The following IST1 variants were observed in gnomAD, a reference collection of about 807,000 sequenced individuals.
The protein encoded by IST1 is IST1 homolog.
Under a neutral mutation model 37.0 loss-of-function variants are expected in IST1, and 23 were observed. The observed-to-expected ratio is 0.62, with a 90% CI of 0.45 to 0.88. IST1 has a LOEUF of 0.88. Among genes scored for constraint, IST1 ranks in the 40% least tolerant of loss-of-function variants. The probability of loss-of-function intolerance (pLI) is 0.00; values close to 1 mark genes in which losing one functional copy is unlikely to be tolerated. For synonymous variants in IST1, 180 were observed against 161.7 expected, an observed-to-expected ratio of 1.11 and a Z score of -0.86; for missense variants, 488 against 445.4, an observed-to-expected ratio of 1.10 and a Z score of -0.86.
intron 1 of IST1, among the ~76,000 whole-genome samples, chr16:71,911,556 C>G (rs1331881249): frequency 2.0e-5 from 3 of 151,918 alleles, no homozygotes; most frequent in Non-Finnish European, 2.9e-5. Flanking sequence ...CACCAAAAAA[C>G]AAAACAAAAC....
chr16:71,909,202 G>C (rs544884209), intron 1 of IST1, among the ~76,000 whole-genome samples: 1 of 148,442 alleles, frequency 6.7e-6, no homozygotes, highest in African/African-American at 2.5e-5. Context: ...TGACCTCCTG[G>C]GTGCAAGTGA....
In IST1 at chr16:71,915,741, C is replaced by G; in HGVS notation, c.88+13C>G. On this transcript the variant is annotated intron_variant, in intron 2 of 9. Coordinates refer to ENST00000378799, the MANE Select transcript of IST1 (RefSeq NM_001270975.2). Reference sequence around the variant, plus strand: ...GAGAAAAAGAAAAGTGAGTAGTGTACTTTTTTTCCCCAAAAATAAATCACT... The same window carrying G: ...GAGAAAAAGAAAAGTGAGTAGTGTAGTTTTTTTCCCCAAAAATAAATCACT... 6.5e-7 allele frequency: 1 copy of G among 1,539,622 alleles called. No individual in the cohort carries two copies. The highest frequency in any genetic ancestry group is 9.0e-7 in the Non-Finnish European group (1 of 1,115,332).
chr16:71,895,229 C>G (rs2142508020), upstream of IST1: 1 of 171,804 alleles, frequency 5.8e-6, no homozygotes, highest in African/African-American at 2.4e-5. Context: ...GCCGTGGGCG[C>G]AGAGTCCGAG....
chr16:71,918,941 G>T (rs1269141254), intron 4 of IST1, among the ~76,000 whole-genome samples: 1 of 152,146 alleles, frequency 6.6e-6, no homozygotes, highest in East Asian at 1.9e-4. Context: ...CTCTCCTACT[G>T]GGCTTCTGGA....
At chr16:71,924,068 T>C (rs901558628) in intron 8 of IST1, 21 of 451,924 alleles carry the variant, frequency 4.6e-5, no homozygotes, top group African/African-American at 4.2e-4. Context: ...CTTTCTGTTC[T>C]TTCCTTTGGT....
intron 2 of IST1, 55 bp downstream of exon 2, chr16:71,915,783 G>C: frequency 9.2e-7 from 1 of 1,081,786 alleles, no homozygotes; most frequent in Admixed American, 1.9e-5. Context: ...TAGCACCCCA[G>C]TAATGGGTCT....
At chr16:71,922,881 G>C (rs1264509978) in intron 7 of IST1, 1 of 605,914 alleles carries the variant, frequency 1.7e-6, no homozygotes, top group African/African-American at 1.9e-5. Flanking sequence ...AAAATCTATA[G>C]AGTTGGTGCT....
At chr16:71,896,700 C>T (rs915857618) in intron 1 of IST1, among the ~76,000 whole-genome samples, 1 of 152,094 alleles carries the variant, frequency 6.6e-6, no homozygotes, top group Non-Finnish European at 1.5e-5. Flanking sequence ...ATAAAACTGG[C>T]CAGATGTGGT....
chr16:71,923,215 C>T (rs1236121041), intron 7 of IST1, 73 bp from the exon 8 acceptor site: 4 of 765,422 alleles, frequency 5.2e-6, no homozygotes, highest in African/African-American at 1.8e-5. Context: ...TTTCTTTCTC[C>T]CTTCCCATAC....
intron 8 of IST1, 145 bp from the exon 9 acceptor site, chr16:71,924,624 G>C (rs2037693190): frequency 1.5e-6 from 1 of 679,284 alleles, no homozygotes; most frequent in African/African-American, 1.8e-5. Flanking sequence ...CTACCTGATT[G>C]GAAAAAATGC....
intron 1 of IST1, among the ~76,000 whole-genome samples, chr16:71,909,095 C>CTTTTTTTTT (rs34086105): frequency 3.9e-5 from 4 of 102,938 alleles, no homozygotes; most frequent in Admixed American, 1.3e-4. Context: ...TTTTGTTTGT[C>CTTTTTTTTT]TTTTTTTTTT....
At chr16:71,922,901 C>G in intron 7 of IST1, 1 of 590,898 alleles carries the variant, frequency 1.7e-6, no homozygotes, top group South Asian at 2.0e-5. Flanking sequence ...TAGAAAAACA[C>G]TTTTCATATA....
Position 71,921,103 on chromosome 16 carries a change from C to T in IST1, c.442-240C>T, listed in dbSNP as rs1223418048. The T allele has an allele frequency of 5.0e-6, 3 of 597,054 alleles. No homozygotes were observed. In the Admixed American group the frequency reaches 8.6e-5, roughly 17 times the overall value. The allele number at this position is 597,054 out of a possible 1,614,324, so 37.0% of individuals were successfully genotyped here. ...TGGGGAGAAGGGTGGATGAATTGAACTGTGGAAGGCAGCAGTATCATCTTT... is the reference window on the plus strand; with the variant it reads ...TGGGGAGAAGGGTGGATGAATTGAATTGTGGAAGGCAGCAGTATCATCTTT... On this transcript the variant is annotated intron_variant, in intron 5 of 9. Coordinates refer to ENST00000378799, the MANE Select transcript of IST1 (RefSeq NM_001270975.2).
At position 71,929,221 on chromosome 16, in the gene IST1, T is replaced by G. The variant is rs1045293078; in HGVS notation, c.*1408T>G. On this transcript the variant is annotated 3_prime_UTR_variant, in exon 10 of 10. Coordinates refer to ENST00000378799, the MANE Select transcript of IST1 (RefSeq NM_001270975.2). ...GGCAGGGCTCCGCATCTGCCATGCC[T>G]CATCCTTGGATGTTTATTTTTAGTA... 1.4e-5 allele frequency: 3 copies of G among 218,460 alleles called. No homozygotes were observed. The highest frequency in any genetic ancestry group is 6.9e-5 in the African/African-American group (3 of 43,386). 13.5% of individuals were successfully genotyped at this position (218,460 alleles called of 1,614,324 possible). A position where few individuals can be genotyped will look rare whatever the true frequency, so the allele number is the denominator to read the frequency against.
chr16:71,916,503 C>G lies in IST1; in HGVS notation c.130C>G (p.Leu44Val). The change falls in exon 3 of 10, where the codon CTG becomes GTG. Residue 44 changes from leucine to valine, a missense_variant. By Grantham distance (32) the Leu-to-Val change is conservative. This residue lies in a region of IST1 where 33 missense variants were observed against 59.3 expected (regional missense o/e 0.56). Transcript: ENST00000378799. The part of the protein sequence containing the change: ...QKARKEIADY[L>V]AAGKDERARI... ...AGCAAGGAAGGAGATTGCTGACTATCTGGCTGCTGGGAAAGATGAACGAGC... is the reference window on the plus strand; with the variant it reads ...AGCAAGGAAGGAGATTGCTGACTATGTGGCTGCTGGGAAAGATGAACGAGC... The G allele has an allele frequency of 6.2e-7, 1 of 1,613,252 alleles. No individual in the cohort carries two copies. Among genetic ancestry groups the G allele is most frequent in the South Asian group, 1.1e-5 (1 of 91,026 alleles).
rs371653031 is a variant in IST1, at chr16:71,898,471, G to A, written c.-16+2882G>A. Among the ~76,000 whole-genome samples the A allele has an allele frequency of 1.6e-4, 24 of 151,536 alleles. 1 individual carries two copies. Among genetic ancestry groups the A allele is most frequent in the Admixed American group, 9.9e-4 (15 of 15,206 alleles). On this transcript the variant is annotated intron_variant, in intron 1 of 9. Transcript: ENST00000378799. Reference sequence around the variant, plus strand: ...GGCTGAGGTGAACGGATCATGTGAGGTTAGGAGTTCAAGACCAGCCTGGCC... The same window carrying A: ...GGCTGAGGTGAACGGATCATGTGAGATTAGGAGTTCAAGACCAGCCTGGCC...
intron 1 of IST1, among the ~76,000 whole-genome samples, chr16:71,896,433 T>G (rs1284864402): frequency 6.6e-6 from 1 of 152,162 alleles, no homozygotes; most frequent in African/African-American, 2.4e-5. Context: ...ATGGAAAATT[T>G]CAAGCAGACA....
At chr16:71,924,916 G>GAA in intron 9 of IST1, 99 bp downstream of exon 9, 1 of 822,140 alleles carries the variant, frequency 1.2e-6, no homozygotes, top group Non-Finnish European at 2.1e-6. Context: ...CATGTCCATG[G>GAA]ACTTCTATCT....
chr16:71,924,600 G>T (rs185905318), intron 8 of IST1, 169 bp from the exon 9 acceptor site: 6 of 626,046 alleles, frequency 9.6e-6, no homozygotes, highest in Non-Finnish European at 1.4e-5. Context: ...AATCAAAGGA[G>T]TTCAACATAG....
Sources: gnomAD v4.1 joint callset for allele counts (sites outside exome capture counted in the v4.1 genomes callset) on GRCh38, gnomAD v4.1.1 for gene constraint, gnomAD v4.1.1 regional missense constraint, MANE v1.5 for transcripts, NCBI Gene and HGNC (gene_info 2026-07-23, HGNC 2026-07-21) for gene names.